PCDHGA8: variants seen among roughly 807,000 people sequenced by gnomAD.
The protein encoded by PCDHGA8 is protocadherin gamma subfamily A, 8.
A neutral mutation model predicts 59.2 loss-of-function variants in PCDHGA8; 45 were observed. The observed-to-expected ratio is 0.76, with a 90% CI of 0.60 to 0.98. The LOEUF (loss-of-function observed/expected upper bound fraction) is 0.98, where lower values mean the gene tolerates loss of function less well. PCDHGA8 is among the 50% of genes least tolerant of loss of function. The pLI, the probability that PCDHGA8 is intolerant of heterozygous loss-of-function variation, is 0.00. For missense variants in PCDHGA8, 1,257 were observed against 1,196.2 expected, an observed-to-expected ratio of 1.05 and a Z score of -0.75; for synonymous variants, 531 against 519.0, an observed-to-expected ratio of 1.02 and a Z score of -0.32.
At position 141,489,369 on chromosome 5, in the gene PCDHGA8, G is replaced by T; in HGVS notation, c.2425-5438G>T. ...TGGTGGAGGAGTCTGAGCCGGGGAC[G>T]CTGGTGGGGAATGTTGCTCAGGATC... On this transcript the variant is annotated intron_variant, in intron 1 of 3. Coordinates refer to ENST00000398604, the MANE Select transcript of PCDHGA8 (RefSeq NM_032088.2). This position sits in a 1 kb window ranked among gnomAD's most constrained non-coding sequence, Gnocchi z 4.5. 6.2e-7 allele frequency: 1 copy of T among 1,613,592 alleles called. No homozygotes were observed.
intron 1 of PCDHGA8, chr5:141,413,677 G>T (rs539552615): frequency 6.2e-7 from 1 of 1,613,794 alleles, no homozygotes; most frequent in East Asian, 2.2e-5. Flanking sequence ...GGATGTGGGC[G>T]TGAACTCCCT....
Position 141,395,029 on chromosome 5 carries a change from AT to A in PCDHGA8, c.2220del (p.Phe740LeufsTer29). Reference protein sequence around the residue: ...GGRLVGVPASHFVGVEEVQAF... With the variant: ...GGRLVGVPASXFVGVEEVQAF... ...AGATTGGTAGGCGTGCCTGCCTCAC[AT>A]TTTGTGGGTGTTGAGGAGGTACAGG... On this transcript the variant is annotated frameshift_variant, in exon 1 of 4. Transcript: ENST00000398604. LOFTEE classifies it high-confidence loss of function. 1 of 1,613,976 alleles carries A rather than the reference AT, an allele frequency of 6.2e-7. No individual in the cohort carries two copies.
chr5:141,403,961 G>T (rs763967342), intron 1 of PCDHGA8: 14 of 1,613,774 alleles, frequency 8.7e-6, no homozygotes, highest in Middle Eastern at 1.6e-4. Context: ...GCTCATTTCG[G>T]TGGAAGATGT....
intron 1 of PCDHGA8, chr5:141,395,467 C>T (rs2093236177): frequency 1.8e-6 from 1 of 566,628 alleles, no homozygotes; most frequent in Non-Finnish European, 3.0e-6. Context: ...TTTAAGCCTT[C>T]CAGTATTTTA....
intron 1 of PCDHGA8, chr5:141,404,291 G>A (rs755978034): frequency 6.2e-7 from 1 of 1,613,956 alleles, no homozygotes; most frequent in Non-Finnish European, 8.5e-7. Context: ...TGACATCAAT[G>A]ATAATCCACC....
At chr5:141,506,680 A>G (rs949777571) in intron 3 of PCDHGA8, among the ~76,000 whole-genome samples, 1 of 152,212 alleles carries the variant, frequency 6.6e-6, no homozygotes, top group Non-Finnish European at 1.5e-5. Context: ...ATATATTATT[A>G]TCTTTGCTGA....
intron 1 of PCDHGA8, chr5:141,409,321 T>G (rs899218484): frequency 1.9e-6 from 3 of 1,613,996 alleles, no homozygotes; most frequent in Admixed American, 1.7e-5. Context: ...AAACACGGGA[T>G]CTGGATTTCG....
intron 1 of PCDHGA8, chr5:141,478,613 G>T: frequency 6.4e-7 from 1 of 1,557,312 alleles, no homozygotes; most frequent in African/African-American, 1.4e-5. Flanking sequence ...ATTGAGGAAG[G>T]AATGGAGCTG....
intron 1 of PCDHGA8, among the ~76,000 whole-genome samples, chr5:141,468,830 C>T (rs561511870): frequency 2.0e-5 from 3 of 152,170 alleles, no homozygotes; most frequent in East Asian, 1.9e-4. Flanking sequence ...CAAGCCACTG[C>T]ACTCCAGCCT....
At position 141,431,353 on chromosome 5, in the gene PCDHGA8, C is replaced by T. The variant is rs1273946805; in HGVS notation, c.2424+36116C>T. 1 of 1,613,940 alleles carries T rather than the reference C, an allele frequency of 6.2e-7. No homozygotes were observed. Among genetic ancestry groups the T allele is most frequent in the Non-Finnish European group, 8.5e-7 (1 of 1,180,042 alleles). On this transcript the variant is annotated intron_variant, in intron 1 of 3. Coordinates refer to ENST00000398604, the MANE Select transcript of PCDHGA8 (RefSeq NM_032088.2). This position sits in a 1 kb window ranked among gnomAD's most constrained non-coding sequence, Gnocchi z 4.8. ...AGTACCCCGAATTGGTGCTGAAACG[C>T]GCCCTGGACCGCGAAGAAAAGGCTG...
At chr5:141,478,864 A>G in intron 1 of PCDHGA8, 1 of 1,322,156 alleles carries the variant, frequency 7.6e-7, no homozygotes, top group Non-Finnish European at 1.0e-6. Flanking sequence ...GATCTCAGCG[A>G]TCAGAGTTTA....
intron 1 of PCDHGA8, among the ~76,000 whole-genome samples, chr5:141,475,253 A>C (rs2099360990): frequency 6.6e-6 from 1 of 152,200 alleles, no homozygotes; most frequent in Non-Finnish European, 1.5e-5. Flanking sequence ...GTGCTCTACA[A>C]CTGAGATCAT....
rs753051237 is a variant in PCDHGA8, at chr5:141,490,422, A to G, written c.2425-4385A>G. On this transcript the variant is annotated intron_variant, in intron 1 of 3. Coordinates refer to ENST00000398604, the MANE Select transcript of PCDHGA8 (RefSeq NM_032088.2). This position sits in a 1 kb window ranked among gnomAD's most constrained non-coding sequence, Gnocchi z 5.4. Reference sequence around the variant, plus strand: ...GCCTTGATATCTCTCCGGACCTGCCATTTCAGATTAAGCCTTCTGAGAACC... The same window carrying G: ...GCCTTGATATCTCTCCGGACCTGCCGTTTCAGATTAAGCCTTCTGAGAACC... 1 of 1,614,178 alleles carries G rather than the reference A, an allele frequency of 6.2e-7. No individual in the cohort carries two copies. The highest frequency in any genetic ancestry group is 1.7e-5 in the Admixed American group (1 of 60,030).
At chr5:141,450,627 C>T (rs947866993) in intron 1 of PCDHGA8, among the ~76,000 whole-genome samples, 13 of 151,592 alleles carry the variant, frequency 8.6e-5, no homozygotes, top group African/African-American at 3.2e-4. Context: ...GCTGGGATTA[C>T]AGATGCCTGC....
intron 1 of PCDHGA8, chr5:141,423,979 G>A: frequency 9.0e-7 from 1 of 1,115,484 alleles, no homozygotes. Flanking sequence ...CAGTGTATGA[G>A]GCTCTCAATT....
At position 141,438,956 on chromosome 5, in the gene PCDHGA8, G is replaced by A. The variant is rs140181975; in HGVS notation, c.2424+43719G>A. 3.9e-3 allele frequency among the ~76,000 whole-genome samples: 592 copies of A among 151,974 alleles called. 6 individuals are homozygous for A. Among genetic ancestry groups the A allele is most frequent in the Admixed American group, 0.011 (171 of 15,242 alleles). On this transcript the variant is annotated intron_variant, in intron 1 of 3. Coordinates refer to ENST00000398604, the MANE Select transcript of PCDHGA8 (RefSeq NM_032088.2). ...GCTGGGATTATAGGCATGAGCCACCGCACCCTGCCAACTGTCTGACTTATC... is the reference window on the plus strand; with the variant it reads ...GCTGGGATTATAGGCATGAGCCACCACACCCTGCCAACTGTCTGACTTATC...
At chr5:141,399,581 A>G (rs375436846) in intron 1 of PCDHGA8, 20 of 1,613,788 alleles carry the variant, frequency 1.2e-5, no homozygotes, top group Non-Finnish European at 1.4e-5. Context: ...CAAGTCTCCT[A>G]CTCTATCATG....
intron 1 of PCDHGA8, chr5:141,408,072 T>G (rs1047187961): frequency 1.7e-5 from 24 of 1,388,622 alleles, no homozygotes; most frequent in Middle Eastern, 2.6e-4. Flanking sequence ...CGCAGACCTT[T>G]CCCAGCACAG....
intron 1 of PCDHGA8, among the ~76,000 whole-genome samples, chr5:141,439,132 G>C (rs1180893484): frequency 6.6e-6 from 1 of 151,054 alleles, no homozygotes; most frequent in African/African-American, 2.4e-5. Context: ...GACAGAGGTT[G>C]CAGTGAGCTG....
Sources: gnomAD v4.1 joint callset for allele counts (sites outside exome capture counted in the v4.1 genomes callset) on GRCh38, gnomAD v4.1.1 for gene constraint, Gnocchi (gnomAD v3.1) non-coding constraint, MANE v1.5 for transcripts, NCBI Gene and HGNC (gene_info 2026-07-23, HGNC 2026-07-21) for gene names.